The following TCF4 variants were observed in gnomAD, a reference collection of about 807,000 sequenced individuals.
TCF4 encodes SL3-3 enhancer factor 2.
Under a neutral mutation model 82.1 loss-of-function variants are expected in TCF4, and 3 were observed. That is an observed-to-expected ratio of 0.04 (90% CI 0.02 to 0.09). The LOEUF (loss-of-function observed/expected upper bound fraction) is 0.09, where lower values mean the gene tolerates loss of function less well. TCF4 is among the 10% of genes least tolerant of loss of function. TCF4 has a pLI of 1.00. For synonymous variants in TCF4, 276 were observed against 309.6 expected (o/e 0.89, Z 1.14); for missense variants, 518 against 852.7 (o/e 0.61, Z 4.89).
At chr18:55,242,596 C>G (rs1403577132) in intron 15 of TCF4, among the ~76,000 whole-genome samples, 5 of 151,492 alleles carry the variant, frequency 3.3e-5, no homozygotes, top group African/African-American at 1.2e-4. Flanking sequence ...ACGTCTATGA[C>G]TTTGCAGGCA....
At chr18:55,434,630 T>G (rs1200849767) in intron 5 of TCF4, among the ~76,000 whole-genome samples, 2 of 151,064 alleles carry the variant, frequency 1.3e-5, no homozygotes, top group African/African-American at 2.4e-5. Flanking sequence ...GGTTTCACCC[T>G]GTTAGCCAGG....
intron 16 of TCF4, among the ~76,000 whole-genome samples, chr18:55,234,061 G>A (rs768894767): frequency 6.6e-6 from 1 of 152,078 alleles, no homozygotes; most frequent in Admixed American, 6.5e-5. Flanking sequence ...ATGAAAAGCC[G>A]CTCGTAATCA....
At chr18:55,239,351 T>C (rs1200990364) in intron 15 of TCF4, among the ~76,000 whole-genome samples, 1 of 152,196 alleles carries the variant, frequency 6.6e-6, no homozygotes, top group Non-Finnish European at 1.5e-5. Flanking sequence ...AATGGTGAAG[T>C]GACTTAAGAT....
intron 6 of TCF4, among the ~76,000 whole-genome samples, chr18:55,367,470 C>T (rs1199912662): frequency 6.6e-6 from 1 of 152,134 alleles, no homozygotes; most frequent in East Asian, 1.9e-4. Context: ...ATAGTTCAAC[C>T]AAGTTGCAGG....
intron 3 of TCF4, among the ~76,000 whole-genome samples, chr18:55,544,982 A>G (rs1029840532): frequency 6.6e-6 from 1 of 152,210 alleles, no homozygotes; most frequent in African/African-American, 2.4e-5. Context: ...TGTTACGAAC[A>G]ATTGTGCATG....
At chr18:55,457,239 T>C (rs2095779019) in intron 5 of TCF4, among the ~76,000 whole-genome samples, 2 of 152,228 alleles carry the variant, frequency 1.3e-5, no homozygotes, top group South Asian at 4.1e-4. Flanking sequence ...CACTTACAAG[T>C]ATCAACCACT....
intron 2 of TCF4, among the ~76,000 whole-genome samples, chr18:55,607,551 A>G (rs952053569): frequency 2.6e-5 from 4 of 152,166 alleles, no homozygotes; most frequent in Middle Eastern, 3.2e-3. Context: ...GCTATTTCCT[A>G]AGGGACTAAA....
intron 8 of TCF4, among the ~76,000 whole-genome samples, chr18:55,283,612 A>T (rs1473698268): frequency 1.3e-5 from 2 of 152,242 alleles, no homozygotes; most frequent in African/African-American, 4.8e-5. Context: ...TATCATAAGA[A>T]GGTCAAGTGT....
At chr18:55,294,191 C>T (rs1237003166) in intron 8 of TCF4, among the ~76,000 whole-genome samples, 5 of 150,298 alleles carry the variant, frequency 3.3e-5, no homozygotes, top group African/African-American at 1.2e-4. Flanking sequence ...ACCCAGGAGA[C>T]GGAGGTTGCA....
chr18:55,585,422 T>C, intron 2 of TCF4, 70 bp from the exon 3 acceptor site: 1 of 1,351,456 alleles, frequency 7.4e-7, no homozygotes, highest in Non-Finnish European at 1.1e-6. Flanking sequence ...TCAAAGATCT[T>C]TCATACTGTT....
intron 3 of TCF4, among the ~76,000 whole-genome samples, chr18:55,488,463 GA>G (rs113764039): frequency 2.0e-4 from 30 of 150,412 alleles, no homozygotes; most frequent in Non-Finnish European, 3.3e-4. Context: ...AGAAGAGAGG[GA>G]AAAAAAAAGG....
intron 15 of TCF4, among the ~76,000 whole-genome samples, chr18:55,253,929 G>A (rs1251152719): frequency 6.6e-6 from 1 of 152,160 alleles, no homozygotes; most frequent in Admixed American, 6.6e-5. Flanking sequence ...ACATGTGTCT[G>A]CACAAAAACT....
intron 8 of TCF4, among the ~76,000 whole-genome samples, chr18:55,290,895 G>A (rs1417946806): frequency 6.6e-6 from 1 of 152,066 alleles, no homozygotes; most frequent in Non-Finnish European, 1.5e-5. Context: ...AAATACATAG[G>A]TACTTCTCTA....
intron 14 of TCF4, among the ~76,000 whole-genome samples, chr18:55,257,048 A>G (rs978180260): frequency 6.6e-6 from 1 of 152,060 alleles, no homozygotes; most frequent in African/African-American, 2.4e-5. Flanking sequence ...TTTCCTAGAG[A>G]TGGGGAGAAG....
chr18:55,307,760 A>C (rs1034897982), intron 8 of TCF4, among the ~76,000 whole-genome samples: 1 of 152,228 alleles, frequency 6.6e-6, no homozygotes, highest in Non-Finnish European at 1.5e-5. Flanking sequence ...TACAAACAAA[A>C]TGATGGCTTA....
chr18:55,597,832 C>T (rs145451952), intron 2 of TCF4, among the ~76,000 whole-genome samples: 2,200 of 152,252 alleles, frequency 0.014, 23 homozygotes, highest in Non-Finnish European at 0.022. Flanking sequence ...CTCCAACCCC[C>T]TCCCCACCTA....
chr18:55,400,757 G>A (rs139921796), intron 6 of TCF4: 77 of 293,246 alleles, frequency 2.6e-4, no homozygotes, highest in African/African-American at 1.5e-3. Flanking sequence ...CCAGGACAGC[G>A]CTTTGCTACC....
At chr18:55,351,120 G>T in intron 6 of TCF4, 117 bp from the exon 7 acceptor site, 1 of 1,318,846 alleles carries the variant, frequency 7.6e-7, no homozygotes, top group Non-Finnish European at 1.1e-6. Flanking sequence ...CTGCTAAGCT[G>T]AGACAATTAA....
intron 3 of TCF4, among the ~76,000 whole-genome samples, chr18:55,473,817 T>G (rs1402688813): frequency 6.6e-6 from 1 of 152,218 alleles, no homozygotes; most frequent in African/African-American, 2.4e-5. Flanking sequence ...AGGAACTTAA[T>G]GCAGTTATTC....
Sources: gnomAD v4.1 joint callset for allele counts (sites outside exome capture counted in the v4.1 genomes callset) on GRCh38, gnomAD v4.1.1 for gene constraint, MANE v1.5 for transcripts, NCBI Gene and HGNC (gene_info 2026-07-23, HGNC 2026-07-21) for gene names.